Variants in THRA observed in about 807,000 individuals in gnomAD.
THRA encodes EAR-7.
THRA carries 13 observed loss-of-function variants against 45.0 expected under a neutral mutation model. That is an observed-to-expected ratio of 0.29 (90% CI 0.19 to 0.46). The LOEUF is 0.46. Among genes scored for constraint, THRA ranks in the 20% least tolerant of loss-of-function variants. The pLI is 1.00. For missense variants in THRA, 278 were observed against 556.1 expected (o/e 0.50, Z 5.03); for synonymous variants, 195 against 214.0 (o/e 0.91, Z 0.78).
downstream of THRA, chr17:40,093,488 A>G (rs1014185686): frequency 1.8e-5 from 26 of 1,457,866 alleles, no homozygotes; most frequent in Non-Finnish European, 2.4e-5. This position sits in a 1 kb window ranked among gnomAD's most constrained non-coding sequence, Gnocchi z 5.9. Flanking sequence ...TGGGCTCAGC[A>G]GGGCTGGTCA....
chr17:40,074,797 A>T (rs1031491773), intron 2 of THRA, among the ~76,000 whole-genome samples: 5 of 152,172 alleles, frequency 3.3e-5, no homozygotes, highest in Non-Finnish European at 5.9e-5. Context: ...TTCCCTAGAC[A>T]TTGCTGGGCA....
chr17:40,093,602 C>G (rs992637954), downstream of THRA: 5 of 741,606 alleles, frequency 6.7e-6, no homozygotes, highest in Admixed American at 2.9e-5. This position sits in a 1 kb window ranked among gnomAD's most constrained non-coding sequence, Gnocchi z 5.9. Flanking sequence ...TGCCCTTCCC[C>G]CTTTCTCTGC....
intron 1 of THRA, among the ~76,000 whole-genome samples, chr17:40,073,948 A>G (rs1986864167): frequency 6.6e-6 from 1 of 152,106 alleles, no homozygotes; most frequent in South Asian, 2.1e-4. Flanking sequence ...TACTTAGTAC[A>G]TGAATGATCT....
intron 4 of THRA, among the ~76,000 whole-genome samples, chr17:40,082,434 G>A (rs1299792593): frequency 6.6e-6 from 1 of 150,924 alleles, no homozygotes; most frequent in African/African-American, 2.4e-5. Flanking sequence ...TGTCACCCAG[G>A]CTGGAGTGCA....
At chr17:40,085,058 G>C (rs1987275525) in intron 6 of THRA, among the ~76,000 whole-genome samples, 1 of 152,178 alleles carries the variant, frequency 6.6e-6, no homozygotes, top group Admixed American at 6.5e-5. Context: ...CGAATTTCCA[G>C]GGAGCGGGAG....
intron 4 of THRA, among the ~76,000 whole-genome samples, chr17:40,081,427 A>G (rs935872743): frequency 1.3e-5 from 2 of 151,616 alleles, no homozygotes; most frequent in Non-Finnish European, 1.5e-5. Context: ...CCCCTGGCCA[A>G]TTTGTGTATT....
intron 7 of THRA, chr17:40,087,120 C>A (rs1987348072): frequency 2.3e-6 from 1 of 443,236 alleles, no homozygotes; most frequent in South Asian, 2.5e-5. Context: ...ACACATACAC[C>A]CAGCACACAG....
chr17:40,088,619 C>G, intron 8 of THRA, 119 bp downstream of exon 8: 6 of 1,283,468 alleles, frequency 4.7e-6, no homozygotes, highest in Non-Finnish European at 6.4e-6. Context: ...TCTCTGTCAC[C>G]TGGGCCATCC....
At chr17:40,088,595 T>C (rs759732033) in intron 8 of THRA, 95 bp downstream of exon 8, 12 of 1,460,310 alleles carry the variant, frequency 8.2e-6, no homozygotes, top group Non-Finnish European at 1.1e-5. Context: ...TCCTGAATCT[T>C]CTTCTGGGCT....
intron 4 of THRA, among the ~76,000 whole-genome samples, chr17:40,079,924 A>G (rs1036211043): frequency 3.3e-5 from 5 of 152,102 alleles, no homozygotes; most frequent in African/African-American, 1.2e-4. Flanking sequence ...AAAATTGGCC[A>G]GGTGTAGTGA....
At chr17:40,062,770 G>A (rs1334092135), upstream of THRA, 1 of 144,334 alleles carries the variant, frequency 6.9e-6, no homozygotes, top group Non-Finnish European at 1.5e-5. Context: ...CGGGGGTCCC[G>A]GGGCGCGGCA....
intron 4 of THRA, among the ~76,000 whole-genome samples, chr17:40,083,511 C>T (rs1310735141): frequency 1.3e-5 from 2 of 152,244 alleles, no homozygotes; most frequent in Admixed American, 6.5e-5. Flanking sequence ...CCGCGCCCGG[C>T]GACTTGGATT....
chr17:40,092,738 C>G lies in THRA; in HGVS notation c.*3282C>G. 1 of 302,382 alleles carries G rather than the reference C, an allele frequency of 3.3e-6. No individual in the cohort carries two copies. The highest frequency in any genetic ancestry group is 6.1e-6 in the Non-Finnish European group (1 of 163,272). 18.7% of individuals were successfully genotyped at this position (302,382 alleles called of 1,614,324 possible). A position where few individuals can be genotyped will look rare whatever the true frequency, so the allele number is the denominator to read the frequency against. ...CAGATGGAGAGGTGGCCCCCCCCAG[C>G]CTTGGCAGTATTTCCACCCCACCCC... On this transcript the variant is annotated 3_prime_UTR_variant, in exon 9 of 9. Coordinates refer to ENST00000450525, the MANE Select transcript of THRA (RefSeq NM_199334.5).
In THRA at chr17:40,084,001, G is replaced by GCAGAACC; in HGVS notation, c.370+19_370+20insCAGAACC. 1.2e-6 allele frequency: 2 copies of GCAGAACC among 1,602,742 alleles called. No homozygotes were observed. The highest frequency in any genetic ancestry group is 1.1e-5 in the South Asian group (1 of 89,694). On this transcript the variant is annotated intron_variant, in intron 5 of 8. Coordinates refer to ENST00000450525, the MANE Select transcript of THRA (RefSeq NM_199334.5). ...ATGGACTGTAAGGGGCCCAGGTGGA[G>GCAGAACC]GGAATAGAGCCAGGTGGCCTGGGGT...
intron 1 of THRA, among the ~76,000 whole-genome samples, chr17:40,070,730 G>T (rs1185497541): frequency 1.3e-5 from 2 of 151,928 alleles, no homozygotes; most frequent in Non-Finnish European, 2.9e-5. Context: ...GGGAGAGGGA[G>T]GTGTGAACCT....
At chr17:40,066,663 C>CAA (rs553082902) in intron 1 of THRA, among the ~76,000 whole-genome samples, 30 of 49,158 alleles carry the variant, frequency 6.1e-4, no homozygotes, top group Non-Finnish European at 9.1e-4. Flanking sequence ...GACTCCGTCT[C>CAA]AAAAAAAAAA....
At chr17:40,069,173 C>G (rs1327712138) in intron 1 of THRA, among the ~76,000 whole-genome samples, 2 of 144,874 alleles carry the variant, frequency 1.4e-5, no homozygotes. Flanking sequence ...CTCCCTCCTT[C>G]TCTCCCTCCC....
intron 4 of THRA, 75 bp downstream of exon 4, chr17:40,077,683 CTGTTAGGTCATCACTTTTTTT>C: frequency 8.3e-7 from 1 of 1,207,866 alleles, no homozygotes; most frequent in African/African-American, 1.5e-5. Context: ...TAAAGCCCGC[CTGTTAGGTCATCACTTTTTTT>C]TTTTTTCTTT....
Position 40,090,013 on chromosome 17 carries a change from C to T in THRA, c.*557C>T. On this transcript the variant is annotated 3_prime_UTR_variant, in exon 9 of 9. Transcript: ENST00000450525. ...TTGGAAACCAAGCAAGGGGAGAAGA[C>T]AAATGAAGAAAAACTAGACAGAGAG... 1.0e-6 allele frequency: 1 copy of T among 987,808 alleles called. No individual in the cohort carries two copies. The highest frequency in any genetic ancestry group is 4.7e-5 in the South Asian group (1 of 21,394). 61.2% of individuals were successfully genotyped at this position (987,808 alleles called of 1,614,324 possible). A position where few individuals can be genotyped will look rare whatever the true frequency, so the allele number is the denominator to read the frequency against.
Sources: allele counts gnomAD v4.1 joint callset (sites outside exome capture counted in the v4.1 genomes callset), GRCh38; gene constraint gnomAD v4.1.1; non-coding constraint Gnocchi (gnomAD v3.1); transcripts MANE v1.5; gene names NCBI Gene and HGNC (gene_info 2026-07-23, HGNC 2026-07-21).